The following CSMD1 variants were observed in gnomAD, a reference collection of about 807,000 sequenced individuals.
CSMD1 encodes CUB and sushi domain-containing protein 1.
Under a neutral mutation model 417.5 loss-of-function variants are expected in CSMD1, and 213 were observed. The observed-to-expected ratio is 0.51, with a 90% CI of 0.46 to 0.57. CSMD1 has a LOEUF of 0.57. Among genes scored for constraint, CSMD1 ranks in the 20% least tolerant of loss-of-function variants. The pLI is 0.00. For missense variants in CSMD1, 6,923 were observed against 4,529.7 expected (o/e 1.53, Z -15.17); for synonymous variants, 2,862 against 1,736.8 (o/e 1.65, Z -16.11).
intron 10 of CSMD1, among the ~76,000 whole-genome samples, chr8:3,556,518 A>G (rs11136638): frequency 0.51 from 59,335 of 116,664 alleles, 12,495 homozygotes; most frequent in African/African-American, 0.57. Context: ...TTTCACACGC[A>G]CACACACACA....
chr8:4,973,114 T>C (rs1211058329), intron 1 of CSMD1, among the ~76,000 whole-genome samples: 1 of 152,198 alleles, frequency 6.6e-6, no homozygotes, highest in East Asian at 1.9e-4. Context: ...TGCTACTGTA[T>C]AGGTATTAAA....
At position 4,015,010 on chromosome 8, in the gene CSMD1, A is replaced by G. The variant is rs147505051; in HGVS notation, c.610+16895T>C. On this transcript the variant is annotated intron_variant, in intron 4 of 69. Transcript: ENST00000635120. The stretch of plus-strand genomic sequence containing the variant: ...AGCAAATATGCAAACCACGTAGACC[A>G]GGTTTACTAGAATCTAAGACTGATT... 2.8e-3 allele frequency among the ~76,000 whole-genome samples: 429 copies of G among 152,324 alleles called. 3 individuals carry two copies. Among genetic ancestry groups the G allele is most frequent in the African/African-American group, 0.01 (417 of 41,568 alleles).
At chr8:3,708,635 T>A in intron 6 of CSMD1, 144 bp from the exon 7 acceptor site, 2 of 655,212 alleles carry the variant, frequency 3.1e-6, no homozygotes, top group South Asian at 1.9e-5. Flanking sequence ...TGATACCAAG[T>A]CAATGAAGTC....
chr8:4,517,491 C>T (rs891856433), intron 2 of CSMD1, among the ~76,000 whole-genome samples: 4 of 152,184 alleles, frequency 2.6e-5, no homozygotes, highest in African/African-American at 4.8e-5. Context: ...GTTCCTGGAA[C>T]AATAACTGTG....
chr8:4,839,703 G>A (rs567208987), intron 1 of CSMD1, among the ~76,000 whole-genome samples: 3 of 152,100 alleles, frequency 2.0e-5, no homozygotes, highest in Non-Finnish European at 4.4e-5. Context: ...TGAACTCAAA[G>A]ATAAGTACAA....
At chr8:4,932,081 G>C (rs950932600) in intron 1 of CSMD1, among the ~76,000 whole-genome samples, 1 of 152,134 alleles carries the variant, frequency 6.6e-6, no homozygotes, top group Non-Finnish European at 1.5e-5. Flanking sequence ...TAGCATGAAT[G>C]CATTTATTAA....
Position 3,029,385 on chromosome 8 carries a change from A to C in CSMD1, c.7789T>G (p.Trp2597Gly), listed in dbSNP as rs1563255364. 6.2e-7 allele frequency: 1 copy of C among 1,611,930 alleles called. No homozygotes were observed. Among genetic ancestry groups the C allele is most frequent in the Non-Finnish European group, 8.5e-7 (1 of 1,179,548 alleles). ...TTGGCCTGGCACCGCAGGAGCCTCC[A>C]GCCTTCTAAGTAGTAACCAGGACTG... The part of the protein sequence containing the change: ...SCSPGYYLEG[W>G]RLLRCQANGT... Residue 2597 changes from tryptophan to glycine, a missense_variant, in exon 51 of 70, where the codon TGG (tryptophan) becomes GGG (glycine). Trp to Gly is a radical substitution (Grantham distance 184). Coordinates refer to ENST00000635120, the MANE Select transcript of CSMD1 (RefSeq NM_033225.6).
intron 3 of CSMD1, among the ~76,000 whole-genome samples, chr8:4,351,417 AG>A (rs1453281459): frequency 2.6e-5 from 4 of 152,234 alleles, no homozygotes; most frequent in Non-Finnish European, 4.4e-5. Flanking sequence ...TGTTATACCA[AG>A]TAAGGTAAGA....
At chr8:3,597,282 T>C (rs1801139890) in intron 8 of CSMD1, among the ~76,000 whole-genome samples, 1 of 152,144 alleles carries the variant, frequency 6.6e-6, no homozygotes, top group Non-Finnish European at 1.5e-5. Context: ...AGCATCTCCC[T>C]GGGCTGATTC....
At chr8:3,523,016 CA>C (rs1797574146) in intron 10 of CSMD1, among the ~76,000 whole-genome samples, 17 of 43,156 alleles carry the variant, frequency 3.9e-4, no homozygotes. Context: ...TACACACACC[CA>C]CACACACACA....
chr8:4,718,962 T>TA (rs1808865644), intron 1 of CSMD1, among the ~76,000 whole-genome samples: 1 of 152,152 alleles, frequency 6.6e-6, no homozygotes, highest in South Asian at 2.1e-4. Context: ...AGAACGTTCA[T>TA]TATATATTGA....
chr8:3,897,988 G>A (rs996745051), intron 5 of CSMD1, among the ~76,000 whole-genome samples: 4 of 152,160 alleles, frequency 2.6e-5, no homozygotes, highest in African/African-American at 9.7e-5. Context: ...ACGGAGAACT[G>A]GAGAGCTCCT....
In CSMD1 at chr8:3,408,318, C is replaced by G. The variant is rs1007785541; in HGVS notation, c.1745-93G>C. ...CAGCTAAGAACCTGGAAAGGCAATT[C>G]ATGCCTGCAAATAGCTATGATGATC... On this transcript the variant is annotated intron_variant, in intron 13 of 69. Transcript: ENST00000635120. 5.7e-6 allele frequency: 5 copies of G among 874,286 alleles called. No homozygotes were observed. In the South Asian group the frequency reaches 8.9e-5, roughly 16 times the overall value. The allele number at this position is 874,286 out of a possible 1,614,324, so 54.2% of individuals were successfully genotyped here. A position where few individuals can be genotyped will look rare whatever the true frequency, so the allele number is the denominator to read the frequency against.
At chr8:3,555,769 A>G (rs1212199046) in intron 10 of CSMD1, among the ~76,000 whole-genome samples, 2 of 152,122 alleles carry the variant, frequency 1.3e-5, no homozygotes, top group African/African-American at 4.8e-5. Context: ...CTAATTTTAG[A>G]TAGTTAGATA....
intron 3 of CSMD1, among the ~76,000 whole-genome samples, chr8:4,236,055 T>TTTG: frequency 1.2e-5 from 1 of 83,746 alleles, no homozygotes; most frequent in Non-Finnish European, 2.6e-5. Context: ...TTTTTTTTTT[T>TTTG]TTTTTTTTTT....
At chr8:3,917,816 T>C (rs1276708338) in intron 5 of CSMD1, among the ~76,000 whole-genome samples, 1 of 152,140 alleles carries the variant, frequency 6.6e-6, no homozygotes, top group African/African-American at 2.4e-5. Context: ...GCAATATTAG[T>C]TGTGTGTATG....
intron 5 of CSMD1, among the ~76,000 whole-genome samples, chr8:3,889,927 A>T (rs1345449480): frequency 6.6e-6 from 1 of 152,188 alleles, no homozygotes; most frequent in African/African-American, 2.4e-5. Context: ...ACATGCCCGT[A>T]GTCTCAGACG....
rs2128953545 is a variant in CSMD1, at chr8:2,998,153, G to A, written c.8235C>T (p.Ala2745=). 1 of 1,613,960 alleles carries A rather than the reference G, an allele frequency of 6.2e-7. No homozygotes were observed. Among genetic ancestry groups the A allele is most frequent in the Non-Finnish European group, 8.5e-7 (1 of 1,179,858 alleles). The change falls in exon 54 of 70, where the codon GCC becomes GCT. Residue 2745 remains alanine, a synonymous_variant. Coordinates refer to ENST00000635120, the MANE Select transcript of CSMD1 (RefSeq NM_033225.6). ...PITCGHPGNP[A]HGFTNGSEFN... is the part of the protein sequence containing the mutation. ...ACTCACTGCCATTAGTGAATCCGTGGGCAGGGTTTCCAGGGTGACCACATG... is the reference window on the plus strand; with the variant it reads ...ACTCACTGCCATTAGTGAATCCGTGAGCAGGGTTTCCAGGGTGACCACATG...
In CSMD1 at chr8:4,421,605, T is replaced by C. The variant is rs913640300; in HGVS notation, c.303-1540A>G. On this transcript the variant is annotated intron_variant, in intron 2 of 69. Coordinates refer to ENST00000635120, the MANE Select transcript of CSMD1 (RefSeq NM_033225.6). ...AATAATCCAGGGGCCAAAGAGAAAG[T>C]CTCAAGGAAAATAAAAATACAGATA... Among the ~76,000 whole-genome samples the C allele has an allele frequency of 2.0e-5, 3 of 151,664 alleles. No individual in the cohort carries two copies. In the South Asian group the frequency reaches 6.2e-4, roughly 32 times the overall value.
Sources: gnomAD v4.1 joint callset for allele counts (sites outside exome capture counted in the v4.1 genomes callset) on GRCh38, gnomAD v4.1.1 for gene constraint, MANE v1.5 for transcripts, NCBI Gene and HGNC (gene_info 2026-07-23, HGNC 2026-07-21) for gene names.